The following SHC3 variants were observed in gnomAD, a reference collection of about 807,000 sequenced individuals.
The protein encoded by SHC3 is SHC adaptor protein 3, also known as SHC-transforming protein 3.
A neutral mutation model predicts 60.4 loss-of-function variants in SHC3; 15 were observed. The ratio of observed to expected loss-of-function variants is 0.25; its 90% CI spans 0.17 to 0.38. The LOEUF is 0.38. Among genes scored for constraint, SHC3 ranks in the 10% least tolerant of loss-of-function variants. SHC3 has a pLI of 1.00. For missense variants in SHC3, 677 were observed against 786.1 expected, an observed-to-expected ratio of 0.86 and a Z score of 1.66; for synonymous variants, 294 against 325.9, an observed-to-expected ratio of 0.90 and a Z score of 1.05.
At chr9:89,108,601 C>G (rs1310709434) in intron 2 of SHC3, among the ~76,000 whole-genome samples, 2 of 152,024 alleles carry the variant, frequency 1.3e-5, no homozygotes, top group East Asian at 3.9e-4. Flanking sequence ...TGACTGAAGT[C>G]TAATTTAAGA....
At chr9:89,177,455 G>C (rs919195810) in intron 1 of SHC3, among the ~76,000 whole-genome samples, 2 of 152,194 alleles carry the variant, frequency 1.3e-5, no homozygotes, top group East Asian at 3.9e-4. Flanking sequence ...AGAAAGTAAA[G>C]CCCGTCGAAG....
chr9:89,160,685 T>C (rs1202964795), intron 1 of SHC3, among the ~76,000 whole-genome samples: 1 of 152,224 alleles, frequency 6.6e-6, no homozygotes, highest in Non-Finnish European at 1.5e-5. Flanking sequence ...ATATTTTATC[T>C]TAATAATGAT....
intron 6 of SHC3, among the ~76,000 whole-genome samples, chr9:89,052,497 TAGA>T (rs758492846): frequency 7.2e-5 from 11 of 152,340 alleles, no homozygotes; most frequent in Non-Finnish European, 1.5e-4. Flanking sequence ...AAAAATTGTT[TAGA>T]AGGAGACTTC....
chr9:89,054,127 AT>A (rs1244375048), intron 6 of SHC3, among the ~76,000 whole-genome samples: 1 of 152,184 alleles, frequency 6.6e-6, no homozygotes, highest in African/African-American at 2.4e-5. Flanking sequence ...TCTCATCCAC[AT>A]GCTACTAACC....
chr9:89,093,544 T>A, intron 2 of SHC3, among the ~76,000 whole-genome samples: 1 of 144,192 alleles, frequency 6.9e-6, no homozygotes. Flanking sequence ...GATAAGAAAG[T>A]AGAGTCTCCA....
At chr9:89,112,188 T>A (rs1825957126) in intron 2 of SHC3, among the ~76,000 whole-genome samples, 1 of 152,210 alleles carries the variant, frequency 6.6e-6, no homozygotes, top group African/African-American at 2.4e-5. Context: ...AAAGTCTCTC[T>A]TGACATCTTG....
intron 6 of SHC3, among the ~76,000 whole-genome samples, chr9:89,058,101 G>T (rs1269872739): frequency 6.6e-6 from 1 of 152,256 alleles, no homozygotes; most frequent in Non-Finnish European, 1.5e-5. Context: ...AATGGTGAAA[G>T]AATCAATTTC....
At chr9:89,130,451 A>G (rs1826227907) in intron 1 of SHC3, among the ~76,000 whole-genome samples, 1 of 152,232 alleles carries the variant, frequency 6.6e-6, no homozygotes, top group Admixed American at 6.5e-5. Flanking sequence ...CCCCAAATCA[A>G]CAGAATATAC....
At chr9:89,052,010 T>A in intron 7 of SHC3, 27 bp downstream of exon 7, 1 of 1,611,366 alleles carries the variant, frequency 6.2e-7, no homozygotes, top group Non-Finnish European at 8.5e-7. Context: ...CATAGGCTAT[T>A]GCAAATGGTG....
chr9:89,169,514 A>G (rs146543466), intron 1 of SHC3, among the ~76,000 whole-genome samples: 233 of 152,302 alleles, frequency 1.5e-3, no homozygotes, highest in African/African-American at 5.1e-3. Flanking sequence ...CCTGAAGGAC[A>G]GTCACCACGT....
At chr9:89,036,262 G>T (rs1824576544) in intron 11 of SHC3, among the ~76,000 whole-genome samples, 1 of 152,138 alleles carries the variant, frequency 6.6e-6, no homozygotes. Flanking sequence ...TTTACAGGAA[G>T]AATCTGCTAA....
intron 5 of SHC3, 30 bp from the exon 6 acceptor site, chr9:89,065,610 A>T: frequency 2.5e-6 from 4 of 1,611,536 alleles, no homozygotes; most frequent in Non-Finnish European, 3.4e-6. Context: ...TGTCTATGTC[A>T]CTAATCACAA....
chr9:89,077,750 A>G, intron 3 of SHC3, 90 bp downstream of exon 3: 2 of 1,459,328 alleles, frequency 1.4e-6, no homozygotes, highest in Non-Finnish European at 1.9e-6. Context: ...AAAGAGGACA[A>G]TGAATAATTC....
At chr9:89,100,449 G>A (rs2118081467) in intron 2 of SHC3, among the ~76,000 whole-genome samples, 1 of 152,202 alleles carries the variant, frequency 6.6e-6, no homozygotes, top group South Asian at 2.1e-4. Flanking sequence ...ATGTTGCGCA[G>A]GTTGGTCTCA....
chr9:89,117,628 T>C (rs1219512564), intron 1 of SHC3, among the ~76,000 whole-genome samples: 2 of 152,188 alleles, frequency 1.3e-5, no homozygotes, highest in Admixed American at 6.6e-5. Flanking sequence ...ATTATGACTG[T>C]AGTAATTACA....
At chr9:89,133,386 T>C (rs1826276706) in intron 1 of SHC3, among the ~76,000 whole-genome samples, 1 of 152,174 alleles carries the variant, frequency 6.6e-6, no homozygotes, top group African/African-American at 2.4e-5. Flanking sequence ...AGAAATACCA[T>C]TTGACCCAGT....
Position 89,007,230 on chromosome 9 carries a change from AC to A in SHC3, c.*6216del, listed in dbSNP as rs1187356100. The A allele has an allele frequency of 1.3e-5, 2 of 152,046 alleles. No homozygotes were observed. The highest frequency in any genetic ancestry group is 4.8e-5 in the African/African-American group (2 of 41,372). The allele number at this position is 152,046 out of a possible 1,614,324, so 9.4% of individuals were successfully genotyped here. ...TGAGAGTGACAACTCCAGGCTGTCCACCCCCATCCTGAGCCTTCCACACTCT... is the reference window on the plus strand; with the variant it reads ...TGAGAGTGACAACTCCAGGCTGTCCACCCCATCCTGAGCCTTCCACACTCT... On this transcript the variant is annotated 3_prime_UTR_variant, in exon 12 of 12. Transcript: ENST00000375835.
At chr9:89,074,328 CG>C (rs1206023754) in intron 4 of SHC3, among the ~76,000 whole-genome samples, 2 of 152,080 alleles carry the variant, frequency 1.3e-5, no homozygotes, top group South Asian at 2.1e-4. Context: ...GAAGCTGAGC[CG>C]GGGCACAGCA....
At chr9:89,124,955 G>T (rs1256639672) in intron 1 of SHC3, among the ~76,000 whole-genome samples, 1 of 152,180 alleles carries the variant, frequency 6.6e-6, no homozygotes, top group Non-Finnish European at 1.5e-5. Context: ...CTGGTAGGGA[G>T]TAACTAAATC....
Sources: gnomAD v4.1 joint callset for allele counts (sites outside exome capture counted in the v4.1 genomes callset) on GRCh38, gnomAD v4.1.1 for gene constraint, MANE v1.5 for transcripts, NCBI Gene and HGNC (gene_info 2026-07-23, HGNC 2026-07-21) for gene names.